TRPM1: variants seen among roughly 807,000 people sequenced by gnomAD.
TRPM1 encodes the protein TRPM1-203 APA Isoform, Intron 10.
Under a neutral mutation model 149.4 loss-of-function variants are expected in TRPM1, and 113 were observed. That is an observed-to-expected ratio of 0.76 (90% CI 0.65 to 0.88). TRPM1 has a LOEUF of 0.88. Among genes scored for constraint, TRPM1 ranks in the 40% least tolerant of loss-of-function variants. The pLI is 0.00. For synonymous variants in TRPM1, 741 were observed against 759.5 expected, an observed-to-expected ratio of 0.98 and a Z score of 0.40; for missense variants, 1,976 against 2,038.7, an observed-to-expected ratio of 0.97 and a Z score of 0.59.
chr15:31,032,551 G>A, intron 22 of TRPM1, 138 bp downstream of exon 22: 1 of 1,006,032 alleles, frequency 9.9e-7, no homozygotes, highest in Admixed American at 1.9e-5. Flanking sequence ...GTATCTTAAA[G>A]CAAAGAATAT....
intron 11 of TRPM1, among the ~76,000 whole-genome samples, chr15:31,059,455 T>C (rs1375894962): frequency 1.3e-5 from 2 of 152,188 alleles, no homozygotes; most frequent in Non-Finnish European, 2.9e-5. Flanking sequence ...ACCCAGGCTG[T>C]AGTGTAGTGG....
intron 2 of TRPM1, among the ~76,000 whole-genome samples, chr15:31,079,884 A>G (rs2034810885): frequency 6.6e-6 from 1 of 152,192 alleles, no homozygotes; most frequent in Non-Finnish European, 1.5e-5. Flanking sequence ...GTATAAGAAG[A>G]GCCTGGAACA....
chr15:31,131,526 T>C (rs1362760083), intron 1 of TRPM1, among the ~76,000 whole-genome samples: 1 of 152,212 alleles, frequency 6.6e-6, no homozygotes, highest in Non-Finnish European at 1.5e-5. Context: ...TTAGTTAAGA[T>C]GGAAAAGGCA....
chr15:31,040,476 T>C lies in TRPM1; in HGVS notation c.2088-130A>G. The C allele has an allele frequency of 1.3e-6, 1 of 784,954 alleles. No individual in the cohort carries two copies. Among genetic ancestry groups the C allele is most frequent in the South Asian group, 1.5e-5 (1 of 66,300 alleles). The allele number at this position is 784,954 out of a possible 1,614,324, so 48.6% of individuals were successfully genotyped here. A position where few individuals can be genotyped will look rare whatever the true frequency, so the allele number is the denominator to read the frequency against. On this transcript the variant is annotated intron_variant, in intron 17 of 27. Transcript: ENST00000256552. This position sits in a 1 kb window ranked among gnomAD's most constrained non-coding sequence, Gnocchi z 4.2. The stretch of plus-strand genomic sequence containing the variant: ...CTTCACTGGAGGGGCTCTGAGGTTC[T>C]CTGCAAGCAAGAAGCTCCAGGGATG...
Position 31,063,035 on chromosome 15 carries a change from A to G in TRPM1, c.965+83T>C, listed in dbSNP as rs868338676. 1.5e-4 allele frequency: 235 copies of G among 1,561,102 alleles called. 4 individuals carry two copies. In the Middle Eastern group the frequency reaches 9.2e-3, roughly 61 times the overall value. ...TGATTTAAACACGTTTGGAATGTCT[A>G]AGCAGACCACTTTAGATTTTCTCCT... On this transcript the variant is annotated intron_variant, in intron 8 of 27. Coordinates refer to ENST00000256552, the MANE Select transcript of TRPM1 (RefSeq NM_001252024.2).
intron 11 of TRPM1, among the ~76,000 whole-genome samples, chr15:31,051,502 C>G (rs1169773754): frequency 1.3e-5 from 2 of 152,232 alleles, no homozygotes; most frequent in East Asian, 3.8e-4. Flanking sequence ...GGGTTCTCAG[C>G]ACATCTGACT....
chr15:31,144,379 A>C (rs776373875), intron 1 of TRPM1, among the ~76,000 whole-genome samples: 9 of 152,164 alleles, frequency 5.9e-5, no homozygotes, highest in Non-Finnish European at 1.0e-4. Context: ...CAAGGCTGCA[A>C]TGAGCCATGA....
At chr15:31,156,950 G>C (rs756005863) in intron 1 of TRPM1, among the ~76,000 whole-genome samples, 1 of 147,036 alleles carries the variant, frequency 6.8e-6, no homozygotes, top group African/African-American at 2.5e-5. Context: ...TTTTGAGATA[G>C]GGTCTCACTC....
At chr15:31,154,070 AT>A (rs1203316681) in intron 1 of TRPM1, among the ~76,000 whole-genome samples, 4 of 152,262 alleles carry the variant, frequency 2.6e-5, no homozygotes, top group African/African-American at 9.6e-5. Context: ...GACAGCCTAC[AT>A]TTAGACCTAA....
chr15:31,075,009 C>G (rs1187852981), intron 3 of TRPM1, among the ~76,000 whole-genome samples: 2 of 151,944 alleles, frequency 1.3e-5, no homozygotes, highest in Admixed American at 1.3e-4. Flanking sequence ...TTTCTTATTT[C>G]TAATTTTATT....
At chr15:31,130,518 A>G (rs2036003389) in intron 1 of TRPM1, among the ~76,000 whole-genome samples, 1 of 152,260 alleles carries the variant, frequency 6.6e-6, no homozygotes, top group Admixed American at 6.5e-5. Flanking sequence ...TAGCTACAAG[A>G]TTAGAAATAA....
At chr15:31,124,470 A>G (rs12324907) in intron 1 of TRPM1, among the ~76,000 whole-genome samples, 4,399 of 150,642 alleles carry the variant, frequency 0.029, 215 homozygotes, top group African/African-American at 0.1. Context: ...ATTGGCTGAC[A>G]TGGTGAAATC....
intron 1 of TRPM1, among the ~76,000 whole-genome samples, chr15:31,086,310 C>A (rs890409983): frequency 6.6e-6 from 1 of 152,312 alleles, no homozygotes; most frequent in South Asian, 2.1e-4. Flanking sequence ...GGAGCTCCTG[C>A]GAGGCATCAG....
chr15:31,140,426 T>G (rs8035325), intron 1 of TRPM1, among the ~76,000 whole-genome samples: 24,335 of 151,686 alleles, frequency 0.16, 2,283 homozygotes, highest in African/African-American at 0.26. Context: ...TGATTATCAG[T>G]GTTGGAAGTG....
intron 27 of TRPM1, among the ~76,000 whole-genome samples, chr15:31,017,859 T>A (rs1566990857): frequency 6.6e-6 from 1 of 152,180 alleles, no homozygotes; most frequent in Non-Finnish European, 1.5e-5. Context: ...TCCAAGAGAA[T>A]ACCTATGTAT....
At chr15:31,115,077 A>G (rs1288289702) in intron 1 of TRPM1, among the ~76,000 whole-genome samples, 2 of 152,170 alleles carry the variant, frequency 1.3e-5, no homozygotes, top group Non-Finnish European at 2.9e-5. Context: ...CAAAATGGTG[A>G]CATCCTGTCT....
intron 27 of TRPM1, among the ~76,000 whole-genome samples, chr15:31,020,213 A>G (rs1042002388): frequency 1.3e-5 from 2 of 152,208 alleles, no homozygotes; most frequent in African/African-American, 4.8e-5. Flanking sequence ...TTAATAACCT[A>G]TGTTCTTTCT....
chr15:31,119,505 T>C (rs1396041451), intron 1 of TRPM1, among the ~76,000 whole-genome samples: 1 of 152,078 alleles, frequency 6.6e-6, no homozygotes, highest in Non-Finnish European at 1.5e-5. Context: ...TGAAAAATGC[T>C]AAAAGAAGTT....
chr15:31,090,770 A>T (rs560934106), intron 1 of TRPM1, among the ~76,000 whole-genome samples: 72 of 151,744 alleles, frequency 4.7e-4, no homozygotes, highest in African/African-American at 1.1e-3. Context: ...CTCTTTTTTT[A>T]AAAAAAATAC....
Sources: allele counts gnomAD v4.1 joint callset (sites outside exome capture counted in the v4.1 genomes callset), GRCh38; gene constraint gnomAD v4.1.1; non-coding constraint Gnocchi (gnomAD v3.1); transcripts MANE v1.5; gene names NCBI Gene and HGNC (gene_info 2026-07-23, HGNC 2026-07-21).